Variants in NFASC observed in about 807,000 individuals in gnomAD.
The protein encoded by NFASC is neurofascin.
Under a neutral mutation model 147.5 loss-of-function variants are expected in NFASC, and 43 were observed. That is an observed-to-expected ratio of 0.29 (90% CI 0.23 to 0.38). The LOEUF (loss-of-function observed/expected upper bound fraction) is 0.38, where lower values mean the gene tolerates loss of function less well. Ranked by LOEUF, NFASC falls within the 10% of genes least tolerant of loss-of-function variation. The probability of loss-of-function intolerance (pLI) is 1.00; values close to 1 mark genes in which losing one functional copy is unlikely to be tolerated. For missense variants in NFASC, 1,320 were observed against 1,689.0 expected, an observed-to-expected ratio of 0.78 and a Z score of 3.83; for synonymous variants, 622 against 665.5, an observed-to-expected ratio of 0.93 and a Z score of 1.01.
At chr1:204,897,972 A>T (rs1023094890) in intron 1 of NFASC, among the ~76,000 whole-genome samples, 11 of 152,116 alleles carry the variant, frequency 7.2e-5, no homozygotes, top group African/African-American at 2.7e-4. Flanking sequence ...TCCTCATCTC[A>T]AGTGATCCAC....
At chr1:204,981,630 T>TG (rs2095511187) in intron 20 of NFASC, among the ~76,000 whole-genome samples, 168 bp from the exon 21 acceptor site, 1 of 152,198 alleles carries the variant, frequency 6.6e-6, no homozygotes, top group African/African-American at 2.4e-5. Context: ...CTTGGGCTTT[T>TG]GGGGGACTCA....
At chr1:204,862,239 T>C (rs760797298) in intron 1 of NFASC, among the ~76,000 whole-genome samples, 1 of 152,180 alleles carries the variant, frequency 6.6e-6, no homozygotes, top group Non-Finnish European at 1.5e-5. Context: ...AGAAAAAAAA[T>C]TACCATCTAC....
intron 1 of NFASC, among the ~76,000 whole-genome samples, chr1:204,857,791 T>C (rs924287381): frequency 4.6e-5 from 7 of 152,084 alleles, no homozygotes; most frequent in African/African-American, 7.2e-5. Flanking sequence ...AAGCCTGAGA[T>C]CAAATTGTTG....
intron 2 of NFASC, among the ~76,000 whole-genome samples, chr1:204,941,533 T>C (rs766471160): frequency 6.6e-5 from 10 of 152,214 alleles, no homozygotes; most frequent in Non-Finnish European, 1.2e-4. Flanking sequence ...AACATGGTGG[T>C]CGTGGAGCCC....
At chr1:205,001,042 T>C (rs1235600157) in intron 25 of NFASC, 128 bp from the exon 26 acceptor site, 2 of 693,882 alleles carry the variant, frequency 2.9e-6, no homozygotes, top group East Asian at 2.7e-5. Flanking sequence ...GATGACTGTG[T>C]GTACATGTGT....
chr1:205,003,751 T>C (rs546769221), intron 27 of NFASC, among the ~76,000 whole-genome samples: 2 of 152,330 alleles, frequency 1.3e-5, no homozygotes, highest in Admixed American at 6.5e-5. Flanking sequence ...AAATATTCAT[T>C]ACTCCTCCTG....
chr1:205,000,218 G>A (rs924569978), intron 25 of NFASC: 7 of 152,182 alleles, frequency 4.6e-5, no homozygotes, highest in Non-Finnish European at 1.0e-4. Flanking sequence ...GGTTGTCAAG[G>A]AGTTATCTTC....
chr1:204,856,452 A>T (rs898779817), intron 1 of NFASC, among the ~76,000 whole-genome samples: 2 of 151,788 alleles, frequency 1.3e-5, no homozygotes, highest in African/African-American at 4.8e-5. Flanking sequence ...AAACATATGT[A>T]AAAAAGAAAC....
chr1:204,877,277 G>T (rs539860150), intron 1 of NFASC, among the ~76,000 whole-genome samples: 1 of 151,322 alleles, frequency 6.6e-6, no homozygotes, highest in East Asian at 1.9e-4. Flanking sequence ...ACATTTAAAC[G>T]CATTAAAATT....
rs910862895 is a variant in NFASC at position 205,016,865 on chromosome 1, C to T, written c.*326C>T. 8 of 428,692 alleles carry T rather than the reference C, an allele frequency of 1.9e-5. No homozygotes were observed. Among genetic ancestry groups the T allele is most frequent in the Non-Finnish European group, 2.6e-5 (6 of 227,074 alleles). The allele number at this position is 428,692 out of a possible 1,614,324, so 26.6% of individuals were successfully genotyped here. A position where few individuals can be genotyped will look rare whatever the true frequency, so the allele number is the denominator to read the frequency against. ...TCCGCCCTTGGCCTCGGCACACGCTCACCTTTTCTGTTGGTTACGGGACTT... is the reference window on the plus strand; with the variant it reads ...TCCGCCCTTGGCCTCGGCACACGCTTACCTTTTCTGTTGGTTACGGGACTT... On this transcript the variant is annotated 3_prime_UTR_variant, in exon 30 of 30. Transcript: ENST00000339876. The surrounding 1 kb of genome is among the most constrained non-coding windows in gnomAD (Gnocchi z 5.1).
chr1:204,841,832 G>A (rs925999186), intron 1 of NFASC, among the ~76,000 whole-genome samples: 19 of 152,068 alleles, frequency 1.2e-4, no homozygotes, highest in African/African-American at 4.6e-4. Flanking sequence ...TCCTCCAGTA[G>A]GTTTAGCACT....
intron 21 of NFASC, among the ~76,000 whole-genome samples, chr1:204,984,545 T>C (rs2095576588): frequency 6.6e-6 from 1 of 151,938 alleles, no homozygotes. Context: ...CACATGTATC[T>C]TCAGAGCAGT....
At chr1:204,847,987 G>C (rs2075326591) in intron 1 of NFASC, among the ~76,000 whole-genome samples, 1 of 152,184 alleles carries the variant, frequency 6.6e-6, no homozygotes, top group African/African-American at 2.4e-5. Flanking sequence ...TGGGGTGGCA[G>C]TAGGGAACTC....
intron 3 of NFASC, among the ~76,000 whole-genome samples, chr1:204,945,368 T>C (rs2149813367): frequency 6.6e-6 from 1 of 152,300 alleles, no homozygotes; most frequent in Non-Finnish European, 1.5e-5. Context: ...AACAGATGTC[T>C]GGGGAGGGGG....
intron 3 of NFASC, among the ~76,000 whole-genome samples, chr1:204,947,844 A>G (rs11240315): frequency 0.35 from 53,237 of 151,498 alleles, 10,440 homozygotes; most frequent in Non-Finnish European, 0.45. Flanking sequence ...GCCTCAACTC[A>G]TATGCACACT....
chr1:204,910,488 G>A (rs2087100751), intron 1 of NFASC, among the ~76,000 whole-genome samples: 1 of 143,866 alleles, frequency 7.0e-6, no homozygotes, highest in African/African-American at 2.6e-5. Flanking sequence ...TGTTGTCCAG[G>A]CAGGAATGCA....
intron 1 of NFASC, among the ~76,000 whole-genome samples, chr1:204,835,897 C>T (rs1033486978): frequency 6.6e-6 from 1 of 152,152 alleles, no homozygotes; most frequent in Non-Finnish European, 1.5e-5. Flanking sequence ...GTGGATTGAT[C>T]AGATGCTAAG....
intron 11 of NFASC, 27 bp downstream of exon 11, chr1:204,970,774 G>A: frequency 1.2e-6 from 2 of 1,614,008 alleles, no homozygotes; most frequent in Non-Finnish European, 1.7e-6. Flanking sequence ...TGTCCCATCT[G>A]ACTCTCATCT....
chr1:204,889,513 G>C (rs1055767294), intron 1 of NFASC, among the ~76,000 whole-genome samples: 1 of 152,232 alleles, frequency 6.6e-6, no homozygotes, highest in African/African-American at 2.4e-5. Context: ...TATTGGCTCA[G>C]AATAGCAGGT....
Sources: gnomAD v4.1 joint callset for allele counts (sites outside exome capture counted in the v4.1 genomes callset) on GRCh38, gnomAD v4.1.1 for gene constraint, Gnocchi (gnomAD v3.1) non-coding constraint, MANE v1.5 for transcripts, NCBI Gene and HGNC (gene_info 2026-07-23, HGNC 2026-07-21) for gene names.